The following SEMA4F variants were observed in gnomAD, a reference collection of about 807,000 sequenced individuals.
The protein encoded by SEMA4F is semaphorin-4F.
A neutral mutation model predicts 78.4 loss-of-function variants in SEMA4F; 51 were observed. The observed-to-expected ratio is 0.65, with a 90% CI of 0.52 to 0.82. The LOEUF (loss-of-function observed/expected upper bound fraction) is 0.82. Ranked by LOEUF, SEMA4F falls within the 40% of genes least tolerant of loss-of-function variation. The pLI, the probability that SEMA4F is intolerant of heterozygous loss-of-function variation, is 0.00. For synonymous variants in SEMA4F, 418 were observed against 408.7 expected, an observed-to-expected ratio of 1.02 and a Z score of -0.27; for missense variants, 938 against 1,014.4, an observed-to-expected ratio of 0.92 and a Z score of 1.02.
intron 4 of SEMA4F, among the ~76,000 whole-genome samples, chr2:74,659,353 C>G (rs1684319773): frequency 6.6e-6 from 1 of 152,158 alleles, no homozygotes; most frequent in African/African-American, 2.4e-5. Context: ...GCCTTTAATT[C>G]TTCCTTGTTT....
the SEMA4F span, among the ~76,000 whole-genome samples, chr2:74,693,485 A>T: frequency 6.6e-6 from 1 of 152,188 alleles, no homozygotes; most frequent in Admixed American, 6.5e-5. Context: ...TACCTCTAAC[A>T]CTAACAGGGT....
the SEMA4F span, among the ~76,000 whole-genome samples, chr2:74,700,730 A>C: frequency 6.6e-6 from 1 of 152,200 alleles, no homozygotes; most frequent in East Asian, 1.9e-4. Context: ...CTAGGATTCA[A>C]ATCTCAGGCA....
chr2:74,673,544 T>C lies in SEMA4F; in HGVS notation c.638T>C (p.Ile213Thr), dbSNP rs1685099252. 6.2e-7 allele frequency: 1 copy of C among 1,613,954 alleles called. No individual in the cohort carries two copies. The highest frequency in any genetic ancestry group is 8.5e-7 in the Non-Finnish European group (1 of 1,180,018). ...GCAGTGGGTCGTGCCGAGGACTGGATTCGGACAGATACCTTGCCTTCCTGG... is the reference window on the plus strand; with the variant it reads ...GCAGTGGGTCGTGCCGAGGACTGGACTCGGACAGATACCTTGCCTTCCTGG... ...TRAVGRAEDW[I>T]RTDTLPSWLN... The change falls in exon 6 of 14, where the codon ATT (isoleucine) becomes ACT (threonine). Residue 213 changes from isoleucine (I) to threonine (T), a missense_variant. Transcript: ENST00000357877.
rs1180332967 is a variant in SEMA4F, at chr2:74,683,781, C to T, written c.*3572C>T. On this transcript the variant is annotated 3_prime_UTR_variant, in exon 14 of 14. Transcript: ENST00000357877. ...CCTGAAGATGGCTGAGATCAAATATCTCATCAGATGACTGGATGCTTAGAA... is the reference window on the plus strand; with the variant it reads ...CCTGAAGATGGCTGAGATCAAATATTTCATCAGATGACTGGATGCTTAGAA... 1 of 152,168 alleles carries T rather than the reference C, an allele frequency of 6.6e-6. No individual in the cohort carries two copies. Among genetic ancestry groups the T allele is most frequent in the Non-Finnish European group, 1.5e-5 (1 of 68,010 alleles). The allele number at this position is 152,168 out of a possible 1,614,324, so 9.4% of individuals were successfully genotyped here. A position where few individuals can be genotyped will look rare whatever the true frequency, so the allele number is the denominator to read the frequency against.
chr2:74,679,773 A>G lies in SEMA4F; in HGVS notation c.1877A>G (p.Tyr626Cys). 6.2e-7 allele frequency: 1 copy of G among 1,614,170 alleles called. No homozygotes were observed. ...GTGACCCCAGGGGCCATGGGCGCTT[A>G]TGCCTGTGAATGTCAGGAGGGTGGG... ...VVVTPGAMGA[Y>C]ACECQEGGAA... is the part of the protein sequence containing the mutation. The change falls in exon 14 of 14, where the codon TAT (tyrosine) becomes TGT (cysteine). Residue 626 changes from tyrosine (Y) to cysteine (C), a missense_variant. Tyr to Cys is a radical substitution (Grantham distance 194). Transcript: ENST00000357877.
downstream of SEMA4F, among the ~76,000 whole-genome samples, chr2:74,684,628 T>C (rs58875305): frequency 1.3e-5 from 2 of 152,280 alleles, no homozygotes; most frequent in South Asian, 2.1e-4. Context: ...AGGGCTATGA[T>C]AGCCTTGTGC....
At chr2:74,659,053 G>A (rs1019544283) in intron 4 of SEMA4F, among the ~76,000 whole-genome samples, 3 of 152,188 alleles carry the variant, frequency 2.0e-5, no homozygotes, top group Non-Finnish European at 4.4e-5. Context: ...TTGGACTTAT[G>A]TTAAGTCCTT....
chr2:74,670,509 G>C (rs1395695150), intron 5 of SEMA4F, among the ~76,000 whole-genome samples: 1 of 152,182 alleles, frequency 6.6e-6, no homozygotes, highest in Non-Finnish European at 1.5e-5. Context: ...TGGTCACTTA[G>C]GAAGTTTTGT....
At chr2:74,676,448 C>T (rs550791598) in intron 12 of SEMA4F, among the ~76,000 whole-genome samples, 1 of 152,324 alleles carries the variant, frequency 6.6e-6, no homozygotes, top group South Asian at 2.1e-4. Flanking sequence ...TGGAACTCCC[C>T]ATCCGACTGT....
At chr2:74,673,059 A>G (rs954185165) in intron 5 of SEMA4F, among the ~76,000 whole-genome samples, 2 of 152,160 alleles carry the variant, frequency 1.3e-5, no homozygotes, top group African/African-American at 4.8e-5. Context: ...CATTTACCAT[A>G]GTGGGACAAC....
chr2:74,654,631 G>A, intron 1 of SEMA4F, 110 bp downstream of exon 1: 8 of 961,382 alleles, frequency 8.3e-6, no homozygotes, highest in Non-Finnish European at 1.2e-5. Context: ...CTGGTGTATG[G>A]CGTTTCACGC....
intron 5 of SEMA4F, among the ~76,000 whole-genome samples, chr2:74,671,435 G>A (rs753722525): frequency 6.6e-6 from 1 of 152,182 alleles, no homozygotes; most frequent in African/African-American, 2.4e-5. Context: ...GTGTGCATGA[G>A]CCCTGTGGTT....
downstream of SEMA4F, among the ~76,000 whole-genome samples, chr2:74,685,924 G>T (rs1258666360): frequency 1.3e-5 from 2 of 152,090 alleles, no homozygotes; most frequent in Non-Finnish European, 2.9e-5. Flanking sequence ...CTTCTCAAAA[G>T]AAGACATTTA....
intron 5 of SEMA4F, 109 bp from the exon 6 acceptor site, chr2:74,673,348 T>G: frequency 7.5e-7 from 1 of 1,341,644 alleles, no homozygotes; most frequent in Non-Finnish European, 1.0e-6. Flanking sequence ...CTCATGGGTG[T>G]TTAGTCCCTG....
chr2:74,690,591 C>A, the SEMA4F span, among the ~76,000 whole-genome samples: 11 of 152,214 alleles, frequency 7.2e-5, no homozygotes, highest in Admixed American at 6.5e-4. Context: ...TGAAAAACAA[C>A]AGTTATTTTT....
Position 74,654,313 on chromosome 2 carries a change from T to G in SEMA4F, c.-64T>G. The G allele has an allele frequency of 7.3e-7, 1 of 1,378,042 alleles. No homozygotes were observed. Among genetic ancestry groups the G allele is most frequent in the Non-Finnish European group, 9.3e-7 (1 of 1,072,174 alleles). 85.4% of individuals were successfully genotyped at this position (1,378,042 alleles called of 1,614,324 possible). A position where few individuals can be genotyped will look rare whatever the true frequency, so the allele number is the denominator to read the frequency against. On this transcript the variant is annotated 5_prime_UTR_variant, in exon 1 of 14. Coordinates refer to ENST00000357877, the MANE Select transcript of SEMA4F (RefSeq NM_004263.5). ...AGGACCCGAGTGGGGCCGAGGCCAGTAGCCCCGGGGCCCTGAGCAGAGGCC... is the reference window on the plus strand; with the variant it reads ...AGGACCCGAGTGGGGCCGAGGCCAGGAGCCCCGGGGCCCTGAGCAGAGGCC...
intron 5 of SEMA4F, among the ~76,000 whole-genome samples, chr2:74,668,075 A>G (rs11883905): frequency 0.049 from 7,432 of 152,218 alleles, 630 homozygotes; most frequent in African/African-American, 0.17. Flanking sequence ...CCGAGTGTAT[A>G]GTGCCATACT....
At position 74,680,076 on chromosome 2, in the gene SEMA4F, C is replaced by T. The variant is rs149150975; in HGVS notation, c.2180C>T (p.Pro727Leu). ...PSPSPEDERL[P>L]LALAKRGSGF... ...CCCTCTCCTGAAGATGAGCGGTTGC[C>T]GCTGGCCCTGGCCAAGAGGGGCAGT... The change falls in exon 14 of 14, where the codon CCG becomes CTG. Residue 727 changes from proline (P) to leucine (L), a missense_variant. Pro to Leu is a moderately conservative substitution (Grantham distance 98). Transcript: ENST00000357877. 46 of 1,613,958 alleles carry T rather than the reference C, an allele frequency of 2.9e-5. No homozygotes were observed. The African/African-American group carries it at 4.9e-4, about 17-fold the overall frequency.
At chr2:74,667,031 C>T (rs540072118) in intron 5 of SEMA4F, among the ~76,000 whole-genome samples, 6 of 152,064 alleles carry the variant, frequency 3.9e-5, no homozygotes, top group East Asian at 1.9e-4. Context: ...TATGTGTCTG[C>T]GTATTTATTA....
Sources: allele counts gnomAD v4.1 joint callset (sites outside exome capture counted in the v4.1 genomes callset), GRCh38; gene constraint gnomAD v4.1.1; transcripts MANE v1.5; gene names NCBI Gene and HGNC (gene_info 2026-07-23, HGNC 2026-07-21).